PTPRD: variants seen among roughly 807,000 people sequenced by gnomAD.
The protein encoded by PTPRD is receptor-type tyrosine-protein phosphatase delta.
In PTPRD, 34 loss-of-function variants were observed where a neutral mutation model predicts 214.5. The ratio of observed to expected loss-of-function variants is 0.16; its 90% CI spans 0.12 to 0.21. The LOEUF (loss-of-function observed/expected upper bound fraction) is 0.21. Ranked by LOEUF, PTPRD falls within the 10% of genes least tolerant of loss-of-function variation. The pLI is 1.00. For missense variants in PTPRD, 2,545 were observed against 2,398.7 expected, an observed-to-expected ratio of 1.06 and a Z score of -1.27; for synonymous variants, 1,128 against 845.7, an observed-to-expected ratio of 1.33 and a Z score of -5.79.
At chr9:9,303,463 G>A (rs1368744128) in intron 9 of PTPRD, among the ~76,000 whole-genome samples, 2 of 151,876 alleles carry the variant, frequency 1.3e-5, no homozygotes, top group African/African-American at 4.8e-5. Flanking sequence ...ATAATTCTTG[G>A]GACAAAGTTA....
intron 4 of PTPRD, among the ~76,000 whole-genome samples, chr9:9,939,198 G>A (rs1716201262): frequency 6.6e-6 from 1 of 152,110 alleles, no homozygotes; most frequent in African/African-American, 2.4e-5. Flanking sequence ...TTGACCTCAT[G>A]ATAAAAATTA....
At chr9:9,740,881 C>A (rs1372347439) in intron 6 of PTPRD, among the ~76,000 whole-genome samples, 1 of 152,006 alleles carries the variant, frequency 6.6e-6, no homozygotes, top group African/African-American at 2.4e-5. Flanking sequence ...ATATTCTAAA[C>A]AGAGAAAATA....
chr9:8,596,290 T>C (rs1278416215), intron 14 of PTPRD, among the ~76,000 whole-genome samples: 2 of 152,082 alleles, frequency 1.3e-5, no homozygotes, highest in African/African-American at 2.4e-5. Flanking sequence ...ATATGGATTA[T>C]ATGGATAAAT....
chr9:9,820,196 G>T (rs533850825), intron 5 of PTPRD, among the ~76,000 whole-genome samples: 2 of 152,132 alleles, frequency 1.3e-5, no homozygotes, highest in Admixed American at 1.3e-4. Flanking sequence ...GGTGCATACG[G>T]TATCTCATTA....
chr9:9,151,281 G>T (rs1489536882), intron 10 of PTPRD, among the ~76,000 whole-genome samples: 1 of 152,126 alleles, frequency 6.6e-6, no homozygotes, highest in South Asian at 2.1e-4. Flanking sequence ...CCTCATGCCA[G>T]ACTTAGCAAA....
intron 3 of PTPRD, among the ~76,000 whole-genome samples, chr9:10,055,893 TATAA>T (rs2097632626): frequency 6.6e-6 from 1 of 151,766 alleles, no homozygotes; most frequent in Non-Finnish European, 1.5e-5. Context: ...ATGTATAATG[TATAA>T]ATGAGTGTGT....
chr9:8,720,805 G>A (rs543443515), intron 12 of PTPRD, among the ~76,000 whole-genome samples: 2 of 152,210 alleles, frequency 1.3e-5, no homozygotes, highest in African/African-American at 2.4e-5. Flanking sequence ...AGGGCCTGAA[G>A]ATGACTATCA....
At chr9:10,564,198 G>T (rs1161164872) in intron 2 of PTPRD, among the ~76,000 whole-genome samples, 2 of 2,384 alleles carry the variant, frequency 8.4e-4, no homozygotes, top group African/African-American at 1.9e-3. Flanking sequence ...TTTTTTTTGA[G>T]ACATAGGGGT....
chr9:10,118,808 G>C (rs2098751523), intron 3 of PTPRD, among the ~76,000 whole-genome samples: 1 of 151,032 alleles, frequency 6.6e-6, no homozygotes, highest in Non-Finnish European at 1.5e-5. Flanking sequence ...AATGTTTTGA[G>C]AATGACTTTT....
At chr9:10,407,985 A>G (rs1012811001) in intron 2 of PTPRD, among the ~76,000 whole-genome samples, 8 of 151,560 alleles carry the variant, frequency 5.3e-5, no homozygotes, top group African/African-American at 1.9e-4. Context: ...AATATGTTAC[A>G]TGTAAGATCT....
intron 12 of PTPRD, among the ~76,000 whole-genome samples, chr9:8,729,877 A>C (rs2154431399): frequency 6.6e-6 from 1 of 152,338 alleles, no homozygotes; most frequent in African/African-American, 2.4e-5. Flanking sequence ...CTAATGTCAA[A>C]GAAATAAAGA....
chr9:8,501,411 C>A (rs2097403391), intron 23 of PTPRD, among the ~76,000 whole-genome samples: 1 of 152,022 alleles, frequency 6.6e-6, no homozygotes, highest in East Asian at 1.9e-4. Context: ...TACTGACTAC[C>A]CAGCTTCAAA....
chr9:10,161,904 A>C (rs2099129305), intron 3 of PTPRD, among the ~76,000 whole-genome samples: 1 of 151,860 alleles, frequency 6.6e-6, no homozygotes, highest in African/African-American at 2.4e-5. Context: ...CATTTCTCAA[A>C]AGAAAACATA....
At chr9:9,115,447 C>A (rs1385860432) in intron 10 of PTPRD, among the ~76,000 whole-genome samples, 1 of 152,042 alleles carries the variant, frequency 6.6e-6, no homozygotes, top group Non-Finnish European at 1.5e-5. Context: ...TTACCCCAGC[C>A]AGAATGGCTT....
chr9:8,684,972 T>G (rs910395324), intron 12 of PTPRD, among the ~76,000 whole-genome samples: 1 of 152,138 alleles, frequency 6.6e-6, no homozygotes, highest in Non-Finnish European at 1.5e-5. Flanking sequence ...TAAATTGCTT[T>G]GAGTGAATTT....
At chr9:9,696,004 G>A (rs190379961) in intron 7 of PTPRD, among the ~76,000 whole-genome samples, 1 of 152,172 alleles carries the variant, frequency 6.6e-6, no homozygotes, top group African/African-American at 2.4e-5. Flanking sequence ...GAATTCAGCA[G>A]TGAAGTCATT....
intron 11 of PTPRD, among the ~76,000 whole-genome samples, chr9:8,794,626 G>C (rs969627885): frequency 3.3e-5 from 5 of 150,584 alleles, no homozygotes; most frequent in Admixed American, 1.3e-4. Flanking sequence ...CTACAGGCAT[G>C]TGTCATGGCC....
rs1363963781 is a variant in PTPRD, at chr9:10,037,740, A to T, written c.-544-3950T>A. On this transcript the variant is annotated intron_variant, in intron 3 of 45. Transcript: ENST00000381196. ...TTGGAAAAGATGTCATTTATCTTAC[A>T]TGCAAAAAGACGTTTTGTTAACCTG... Among the ~76,000 whole-genome samples, 3 of 152,186 alleles carry T rather than the reference A, an allele frequency of 2.0e-5. No individual in the cohort carries two copies. The East Asian group carries it at 5.8e-4, about 29-fold the overall frequency.
intron 9 of PTPRD, among the ~76,000 whole-genome samples, chr9:9,385,796 C>A (rs2063690416): frequency 6.6e-6 from 1 of 152,130 alleles, no homozygotes; most frequent in African/African-American, 2.4e-5. Flanking sequence ...ATTCCGCTTT[C>A]CATTTGAAGA....
Sources: allele counts gnomAD v4.1 joint callset (sites outside exome capture counted in the v4.1 genomes callset), GRCh38; gene constraint gnomAD v4.1.1; transcripts MANE v1.5; gene names NCBI Gene and HGNC (gene_info 2026-07-23, HGNC 2026-07-21).